OMA1: variants seen among roughly 807,000 people sequenced by gnomAD.
The protein encoded by OMA1 is OMA1 zinc metallopeptidase, also known as metalloendopeptidase OMA1, mitochondrial.
In OMA1, 38 loss-of-function variants were observed where a neutral mutation model predicts 30.9. That is an observed-to-expected ratio of 1.23 (90% confidence interval 0.95 to 1.61). The LOEUF is 1.61. OMA1 is among the 40% of genes most tolerant of loss of function. OMA1 has a pLI of 0.00. For missense variants in OMA1, 461 were observed against 349.2 expected (o/e 1.32, Z -2.55); for synonymous variants, 173 against 121.9 (o/e 1.42, Z -2.76).
intron 3 of OMA1, among the ~76,000 whole-genome samples, chr1:58,534,902 C>G (rs1306675084): frequency 6.6e-6 from 1 of 152,116 alleles, no homozygotes; most frequent in East Asian, 1.9e-4. Context: ...CGCCACTGCA[C>G]TCCAACACCA....
intron 8 of OMA1, among the ~76,000 whole-genome samples, chr1:58,483,427 G>T (rs1193842941): frequency 6.6e-6 from 1 of 152,186 alleles, no homozygotes; most frequent in African/African-American, 2.4e-5. Flanking sequence ...CAGGGCAGAA[G>T]CTTGGGTCTA....
Position 58,531,563 on chromosome 1 carries a change from T to C in OMA1, c.1012-834A>G, listed in dbSNP as rs888605940. 2.6e-5 allele frequency among the ~76,000 whole-genome samples: 4 copies of C among 152,200 alleles called. No individual in the cohort carries two copies. In the South Asian group the frequency reaches 6.2e-4, roughly 24 times the overall value. ...TAAAATAGCAGTCATTACTTGAATG[T>C]ATGAAAAATGACTGAAAACTAAAAA... On this transcript the variant is annotated intron_variant, in intron 5 of 8. Transcript: ENST00000371226.
chr1:58,530,122 C>T (rs1046936892), intron 6 of OMA1, among the ~76,000 whole-genome samples: 1 of 152,156 alleles, frequency 6.6e-6, no homozygotes, highest in African/African-American at 2.4e-5. Flanking sequence ...ACTTCGTGAT[C>T]CACCCACCTT....
chr1:58,539,761 C>A (rs2100494423), intron 1 of OMA1, among the ~76,000 whole-genome samples: 1 of 152,212 alleles, frequency 6.6e-6, no homozygotes, highest in Non-Finnish European at 1.5e-5. Context: ...GAAACAGAGC[C>A]CTACAACTGT....
At chr1:58,494,206 G>C (rs1471493440) in intron 8 of OMA1, among the ~76,000 whole-genome samples, 2 of 152,128 alleles carry the variant, frequency 1.3e-5, no homozygotes, top group African/African-American at 4.8e-5. Flanking sequence ...GGGAAAACTG[G>C]CTAGCCATAT....
intron 8 of OMA1, among the ~76,000 whole-genome samples, chr1:58,490,233 A>G (rs995442625): frequency 6.6e-6 from 1 of 152,254 alleles, no homozygotes; most frequent in East Asian, 1.9e-4. Flanking sequence ...TAACCAATGC[A>G]GAGAAGTCCT....
chr1:58,518,277 GGAGAAGAGAAGAGAA>G (rs1278778501), intron 7 of OMA1, among the ~76,000 whole-genome samples: 2 of 2,400 alleles, frequency 8.3e-4, no homozygotes, highest in African/African-American at 4.3e-3. Context: ...AGAGAGGAGA[GGAGAAGAGAAGAGAA>G]GAGAAGAGAA....
At chr1:58,481,400 T>C (rs1286459124) in intron 8 of OMA1, among the ~76,000 whole-genome samples, 1 of 152,142 alleles carries the variant, frequency 6.6e-6, no homozygotes, top group African/African-American at 2.4e-5. Flanking sequence ...ACAACAACAA[T>C]AGTATTAATA....
At chr1:58,484,464 T>C (rs905914310) in intron 8 of OMA1, among the ~76,000 whole-genome samples, 1 of 152,188 alleles carries the variant, frequency 6.6e-6, no homozygotes, top group Non-Finnish European at 1.5e-5. Context: ...ACTTGAGTTA[T>C]TCACAGTTAT....
At chr1:58,486,747 A>G (rs1016253756) in intron 8 of OMA1, among the ~76,000 whole-genome samples, 43 of 152,314 alleles carry the variant, frequency 2.8e-4, no homozygotes, top group African/African-American at 9.6e-4. Flanking sequence ...GATCAAAGAA[A>G]GCCTCCCCAG....
chr1:58,515,566 A>T (rs1377438900), intron 7 of OMA1, among the ~76,000 whole-genome samples: 1 of 152,228 alleles, frequency 6.6e-6, no homozygotes, highest in Non-Finnish European at 1.5e-5. Flanking sequence ...GATAAAATTA[A>T]GTTCCAAATA....
At chr1:58,485,824 T>C (rs975694574) in intron 8 of OMA1, among the ~76,000 whole-genome samples, 1 of 152,236 alleles carries the variant, frequency 6.6e-6, no homozygotes, top group East Asian at 1.9e-4. Context: ...AACAAACGCA[T>C]GCTAAATTTT....
chr1:58,485,736 A>G (rs1002080995), intron 8 of OMA1, among the ~76,000 whole-genome samples: 1 of 152,084 alleles, frequency 6.6e-6, no homozygotes, highest in African/African-American at 2.4e-5. Context: ...TTCCTACCAT[A>G]TAGCTAGAAT....
At chr1:58,531,181 T>A (rs1003189404) in intron 5 of OMA1, among the ~76,000 whole-genome samples, 7 of 152,312 alleles carry the variant, frequency 4.6e-5, no homozygotes, top group African/African-American at 1.7e-4. Flanking sequence ...GTAAATGTTT[T>A]ATTTTACTAA....
intron 8 of OMA1, among the ~76,000 whole-genome samples, chr1:58,503,331 G>C (rs760236533): frequency 3.0e-4 from 45 of 152,164 alleles, no homozygotes; most frequent in Non-Finnish European, 4.1e-4. Flanking sequence ...CTCAGTACAA[G>C]TCAGTTACTG....
chr1:58,496,715 G>T (rs1382721594), intron 8 of OMA1, among the ~76,000 whole-genome samples: 1 of 152,060 alleles, frequency 6.6e-6, no homozygotes, highest in Non-Finnish European at 1.5e-5. Flanking sequence ...TTACCGTTCT[G>T]ATTTTTTAAA....
intron 6 of OMA1, among the ~76,000 whole-genome samples, chr1:58,528,030 T>C (rs182772754): frequency 6.6e-6 from 1 of 152,248 alleles, no homozygotes; most frequent in Non-Finnish European, 1.5e-5. Context: ...GAGCTATTAA[T>C]TGGGGAAGCA....
chr1:58,545,278 T>C (rs911303187), intron 1 of OMA1, among the ~76,000 whole-genome samples: 2 of 152,228 alleles, frequency 1.3e-5, no homozygotes, highest in African/African-American at 4.8e-5. Context: ...TGTGTAAAAA[T>C]TTTAAAAGAA....
At chr1:58,506,583 C>A (rs945366310) in intron 7 of OMA1, among the ~76,000 whole-genome samples, 1 of 152,074 alleles carries the variant, frequency 6.6e-6, no homozygotes, top group Non-Finnish European at 1.5e-5. Context: ...TTCACAATAA[C>A]CCTGCTAACC....
Sources: allele counts gnomAD v4.1 joint callset (sites outside exome capture counted in the v4.1 genomes callset), GRCh38; gene constraint gnomAD v4.1.1; transcripts MANE v1.5; gene names NCBI Gene and HGNC (gene_info 2026-07-23, HGNC 2026-07-21).